Variants in PMEPA1 observed in about 807,000 individuals in gnomAD.
PMEPA1 encodes the protein prostate transmembrane protein, androgen induced 1.
Under a neutral mutation model 23.0 loss-of-function variants are expected in PMEPA1, and 11 were observed. The observed-to-expected ratio is 0.48, with a 90% CI of 0.30 to 0.79. PMEPA1 has a LOEUF of 0.79. Ranked by LOEUF, PMEPA1 falls within the 30% of genes least tolerant of loss-of-function variation. The probability of loss-of-function intolerance (pLI) is 0.06; values close to 1 mark genes in which losing one functional copy is unlikely to be tolerated. For missense variants in PMEPA1, 377 were observed against 390.9 expected (o/e 0.96, Z 0.30); for synonymous variants, 204 against 166.4 (o/e 1.23, Z -1.74).
chr20:57,691,358 G>T (rs779323506), intron 1 of PMEPA1, among the ~76,000 whole-genome samples: 95 of 152,338 alleles, frequency 6.2e-4, no homozygotes, highest in Non-Finnish European at 1.1e-3. Flanking sequence ...CTCCAGCAGA[G>T]GGGCTGCGCT....
chr20:57,705,773 T>C (rs115586796), intron 1 of PMEPA1, among the ~76,000 whole-genome samples: 40 of 152,308 alleles, frequency 2.6e-4, no homozygotes, highest in East Asian at 9.7e-4. Context: ...TAGGGGGCAT[T>C]TGACCATGTC....
At chr20:57,690,515 T>C (rs2071866264) in intron 1 of PMEPA1, 1 of 1,298,926 alleles carries the variant, frequency 7.7e-7, no homozygotes, top group African/African-American at 1.5e-5. Context: ...ATGCTATTTT[T>C]ATTGTGAAGC....
intron 1 of PMEPA1, among the ~76,000 whole-genome samples, chr20:57,705,160 C>T (rs2072063215): frequency 6.6e-6 from 1 of 152,186 alleles, no homozygotes; most frequent in African/African-American, 2.4e-5. Flanking sequence ...CACGTGTGCG[C>T]ATGCAAGCAC....
At position 57,704,397 on chromosome 20, in the gene PMEPA1, TCTCCCGCACAG is replaced by T. The variant is rs553617391; in HGVS notation, c.109+5066_109+5076del. ...AGAGGGTGCATGAAGAGTAGGTCCG[TCTCCCGCACAG>T]CTCCCGCACGTGCCCCAACCATGCG... On this transcript the variant is annotated intron_variant, in intron 1 of 3. Coordinates refer to ENST00000341744, the MANE Select transcript of PMEPA1 (RefSeq NM_020182.5). The surrounding 1 kb of genome is among the most constrained non-coding windows in gnomAD (Gnocchi z 4.6). Among the ~76,000 whole-genome samples the T allele has an allele frequency of 2.6e-5, 4 of 152,008 alleles. No individual in the cohort carries two copies. The highest frequency in any genetic ancestry group is 4.4e-5 in the Non-Finnish European group (3 of 67,996).
intron 1 of PMEPA1, among the ~76,000 whole-genome samples, chr20:57,700,433 G>C (rs578137293): frequency 1.1e-4 from 16 of 152,338 alleles, no homozygotes; most frequent in African/African-American, 3.8e-4. Flanking sequence ...AATGATATAG[G>C]ACAGTTTCTT....
chr20:57,703,413 G>A (rs1487483985), intron 1 of PMEPA1, among the ~76,000 whole-genome samples: 2 of 152,230 alleles, frequency 1.3e-5, no homozygotes, highest in Non-Finnish European at 2.9e-5. Context: ...TGCAGCCAGT[G>A]GGGCATCTGG....
chr20:57,710,590 A>G (rs1032652393), upstream of PMEPA1: 2 of 950,956 alleles, frequency 2.1e-6, no homozygotes, highest in African/African-American at 1.7e-5. Context: ...GAACTCGCGT[A>G]GACACGCCCG....
In PMEPA1 at chr20:57,652,179, G is replaced by T. The variant is rs1317285435; in HGVS notation, c.738C>A (p.His246Gln). The T allele has an allele frequency of 6.2e-7, 1 of 1,609,350 alleles. No homozygotes were observed. The highest frequency in any genetic ancestry group is 1.1e-5 in the South Asian group (1 of 90,486). The change falls in exon 4 of 4, where the codon CAC becomes CAA. Residue 246 changes from histidine to glutamine, a missense_variant. His to Gln is a conservative substitution (Grantham distance 24, BLOSUM62 0). Coordinates refer to ENST00000341744, the MANE Select transcript of PMEPA1 (RefSeq NM_020182.5). This position sits in a 1 kb window ranked among gnomAD's most constrained non-coding sequence, Gnocchi z 6.1. The stretch of plus-strand genomic sequence containing the variant: ...AGGAGGGCGGCCCACTGCTCTGCTG[G>T]TGCTGGAAGGAGGACCCCGGGTAGT... Reference protein sequence around the residue: ...IGHYPGSSFQHQQSSGPPSLL... With the variant: ...IGHYPGSSFQQQQSSGPPSLL...
In PMEPA1 at chr20:57,704,115, AG is replaced by A. The variant is rs1199679133; in HGVS notation, c.109+5358del. On this transcript the variant is annotated intron_variant, in intron 1 of 3. Coordinates refer to ENST00000341744, the MANE Select transcript of PMEPA1 (RefSeq NM_020182.5). This position sits in a 1 kb window ranked among gnomAD's most constrained non-coding sequence, Gnocchi z 4.6. ...GCTTCTTGGTGACAGGGGAGACAAA[AG>A]GAACTGCCAGCACTTAAAACCCAGG... Among the ~76,000 whole-genome samples the A allele has an allele frequency of 3.9e-5, 6 of 152,156 alleles. No homozygotes were observed. The East Asian group carries it at 5.8e-4, about 15-fold the overall frequency.
chr20:57,683,730 G>A lies in PMEPA1; in HGVS notation c.110-24033C>T, dbSNP rs545607758. 1.6e-3 allele frequency among the ~76,000 whole-genome samples: 249 copies of A among 151,998 alleles called. 1 individual carries two copies. Among genetic ancestry groups the A allele is most frequent in the African/African-American group, 5.8e-3 (239 of 41,442 alleles). ...CACAGTCACCCCACTTCCCCACTCC[G>A]CGGGGAAATTTACAGGCTTCCAGGC... is the stretch of plus-strand genomic sequence containing the variant. On this transcript the variant is annotated intron_variant, in intron 1 of 3. Coordinates refer to ENST00000341744, the MANE Select transcript of PMEPA1 (RefSeq NM_020182.5). The surrounding 1 kb of genome is among the most constrained non-coding windows in gnomAD (Gnocchi z 4.3).
chr20:57,675,850 T>C (rs1415904034), intron 1 of PMEPA1, among the ~76,000 whole-genome samples: 1 of 152,196 alleles, frequency 6.6e-6, no homozygotes, highest in Non-Finnish European at 1.5e-5. Context: ...CTAAATCCGT[T>C]GAGTCTTTCC....
chr20:57,674,088 G>A (rs1020362521), intron 1 of PMEPA1, among the ~76,000 whole-genome samples: 1 of 152,190 alleles, frequency 6.6e-6, no homozygotes, highest in Non-Finnish European at 1.5e-5. Flanking sequence ...AGGACCTCGT[G>A]TTATAGACCT....
At chr20:57,667,540 A>G (rs1295758728) in intron 1 of PMEPA1, among the ~76,000 whole-genome samples, 2 of 152,144 alleles carry the variant, frequency 1.3e-5, no homozygotes, top group Non-Finnish European at 2.9e-5. Context: ...TTTCCAGACC[A>G]GACGACCCCC....
chr20:57,657,252 G>A (rs1325574651), intron 2 of PMEPA1, among the ~76,000 whole-genome samples: 3 of 152,310 alleles, frequency 2.0e-5, no homozygotes, highest in South Asian at 2.1e-4. Context: ...CTGAGGCTCC[G>A]AGGGGCAAGG....
intron 1 of PMEPA1, among the ~76,000 whole-genome samples, chr20:57,681,119 T>G (rs1295001552): frequency 6.6e-6 from 1 of 152,232 alleles, no homozygotes; most frequent in Non-Finnish European, 1.5e-5. Context: ...CCCTGGGTGC[T>G]ACCAGGGACA....
chr20:57,689,111 G>A lies in PMEPA1; in HGVS notation c.109+20363C>T, dbSNP rs537823560. Among the ~76,000 whole-genome samples, 23 of 152,102 alleles carry A rather than the reference G, an allele frequency of 1.5e-4. No individual in the cohort carries two copies. In the South Asian group the frequency reaches 3.7e-3, roughly 25 times the overall value. ...CGTCAGCTTGATTGGGTTTCAAAAC[G>A]CGTTTCTGTTTGGGAGCTGCCTCTA... On this transcript the variant is annotated intron_variant, in intron 1 of 3. Coordinates refer to ENST00000341744, the MANE Select transcript of PMEPA1 (RefSeq NM_020182.5).
At chr20:57,654,038 G>A (rs2071291590) in intron 2 of PMEPA1, among the ~76,000 whole-genome samples, 1 of 152,158 alleles carries the variant, frequency 6.6e-6, no homozygotes, top group Non-Finnish European at 1.5e-5. Flanking sequence ...TGGCAAAGGA[G>A]GTGTGTGGTT....
At chr20:57,653,699 A>T (rs1261263194) in intron 2 of PMEPA1, among the ~76,000 whole-genome samples, 1 of 152,106 alleles carries the variant, frequency 6.6e-6, no homozygotes, top group Non-Finnish European at 1.5e-5. Context: ...TGGGGCCTCA[A>T]CAAGCTCAGC....
At position 57,676,500 on chromosome 20, in the gene PMEPA1, T is replaced by A. The variant is rs369653872; in HGVS notation, c.110-16803A>T. Among the ~76,000 whole-genome samples the A allele has an allele frequency of 2.6e-5, 4 of 152,182 alleles. No individual in the cohort carries two copies. The East Asian group carries it at 7.7e-4, about 29-fold the overall frequency. On this transcript the variant is annotated intron_variant, in intron 1 of 3. Coordinates refer to ENST00000341744, the MANE Select transcript of PMEPA1 (RefSeq NM_020182.5). ...ACGTTTATTAACGATCTGGAGTGAC[T>A]GATACTGAGCAGGTAAATTCAATTT...
Sources: allele counts gnomAD v4.1 joint callset (sites outside exome capture counted in the v4.1 genomes callset), GRCh38; gene constraint gnomAD v4.1.1; non-coding constraint Gnocchi (gnomAD v3.1); transcripts MANE v1.5; gene names NCBI Gene and HGNC (gene_info 2026-07-23, HGNC 2026-07-21).